CNTNAP2: variants seen among roughly 807,000 people sequenced by gnomAD.
The protein encoded by CNTNAP2 is contactin-associated protein-like 2.
Under a neutral mutation model 155.2 loss-of-function variants are expected in CNTNAP2, and 98 were observed. The ratio of observed to expected loss-of-function variants is 0.63; its 90% confidence interval spans 0.54 to 0.75. CNTNAP2 has a LOEUF of 0.75. CNTNAP2 is among the 30% of genes least tolerant of loss of function. The pLI is 0.00. For missense variants in CNTNAP2, 1,727 were observed against 1,688.1 expected, an observed-to-expected ratio of 1.02 and a Z score of -0.40; for synonymous variants, 651 against 631.2, an observed-to-expected ratio of 1.03 and a Z score of -0.47.
chr7:148,311,855 G>A (rs1276616992), intron 21 of CNTNAP2, among the ~76,000 whole-genome samples: 4 of 152,158 alleles, frequency 2.6e-5, no homozygotes, highest in Non-Finnish European at 5.9e-5. Flanking sequence ...GGGAAATGGG[G>A]TGAATGTCAA....
intron 9 of CNTNAP2, among the ~76,000 whole-genome samples, chr7:147,352,640 A>G (rs1400611653): frequency 6.6e-6 from 1 of 151,986 alleles, no homozygotes; most frequent in African/African-American, 2.4e-5. Flanking sequence ...TCATTGATTC[A>G]GTACACTTTC....
intron 20 of CNTNAP2, among the ~76,000 whole-genome samples, chr7:148,251,765 G>A (rs530660756): frequency 2.0e-5 from 3 of 152,290 alleles, no homozygotes; most frequent in Admixed American, 2.0e-4. Flanking sequence ...ATTCTAAGCA[G>A]CAGCCTCAGG....
At chr7:146,605,318 A>G (rs921769412) in intron 1 of CNTNAP2, among the ~76,000 whole-genome samples, 5 of 151,038 alleles carry the variant, frequency 3.3e-5, no homozygotes, top group African/African-American at 1.2e-4. Context: ...TATTATCATC[A>G]TTGTTTTCAT....
chr7:146,810,091 T>C (rs1272953186), intron 2 of CNTNAP2, among the ~76,000 whole-genome samples: 2 of 152,162 alleles, frequency 1.3e-5, no homozygotes, highest in African/African-American at 2.4e-5. Flanking sequence ...CAAACCCATT[T>C]ATTGTGGAGA....
At chr7:148,326,611 A>G (rs573616920) in intron 21 of CNTNAP2, among the ~76,000 whole-genome samples, 9 of 152,284 alleles carry the variant, frequency 5.9e-5, no homozygotes, top group African/African-American at 2.2e-4. Flanking sequence ...TCACGCCTGT[A>G]ATCCCAGCAC....
At chr7:148,310,508 G>C (rs992408492) in intron 21 of CNTNAP2, among the ~76,000 whole-genome samples, 1 of 152,216 alleles carries the variant, frequency 6.6e-6, no homozygotes, top group African/African-American at 2.4e-5. Flanking sequence ...CCAGTACCGA[G>C]AGCAATAGTA....
At chr7:146,630,115 T>G (rs1799486799) in intron 1 of CNTNAP2, among the ~76,000 whole-genome samples, 1 of 152,016 alleles carries the variant, frequency 6.6e-6, no homozygotes, top group Non-Finnish European at 1.5e-5. Flanking sequence ...GTATTTGTCC[T>G]AATGCTCTCC....
At chr7:148,021,218 C>T (rs987983577) in intron 15 of CNTNAP2, among the ~76,000 whole-genome samples, 5 of 151,954 alleles carry the variant, frequency 3.3e-5, no homozygotes, top group Non-Finnish European at 7.4e-5. Flanking sequence ...GACTTATTCT[C>T]CCTCATATCA....
intron 16 of CNTNAP2, among the ~76,000 whole-genome samples, chr7:148,119,373 A>C (rs980427567): frequency 1.3e-5 from 2 of 151,364 alleles, no homozygotes; most frequent in Non-Finnish European, 1.5e-5. Flanking sequence ...AATACAAAAA[A>C]AAAAAAATTA....
intron 1 of CNTNAP2, among the ~76,000 whole-genome samples, chr7:146,701,168 G>A (rs944887853): frequency 6.6e-6 from 1 of 152,140 alleles, no homozygotes; most frequent in African/African-American, 2.4e-5. Flanking sequence ...ATATTTTTCA[G>A]TTAAACAATT....
chr7:146,277,876 A>G (rs1445149591), intron 1 of CNTNAP2, among the ~76,000 whole-genome samples: 2 of 152,190 alleles, frequency 1.3e-5, no homozygotes, highest in Non-Finnish European at 1.5e-5. Flanking sequence ...TGGAGTGGGT[A>G]CTTTTCAACT....
At chr7:146,781,884 C>A (rs1355877748) in intron 2 of CNTNAP2, among the ~76,000 whole-genome samples, 3 of 152,090 alleles carry the variant, frequency 2.0e-5, no homozygotes, top group African/African-American at 7.2e-5. Context: ...ACAGCGCGTC[C>A]ATGAGGGCAT....
At chr7:147,433,908 T>C (rs1797505632) in intron 10 of CNTNAP2, among the ~76,000 whole-genome samples, 1 of 152,220 alleles carries the variant, frequency 6.6e-6, no homozygotes, top group African/African-American at 2.4e-5. Context: ...ACAATGAAAT[T>C]AGTATATATT....
In CNTNAP2 at chr7:146,465,892, G is replaced by A. The variant is rs192809982; in HGVS notation, c.98-308379G>A. Among the ~76,000 whole-genome samples, 22 of 152,082 alleles carry A rather than the reference G, an allele frequency of 1.4e-4. No individual in the cohort carries two copies. In the Middle Eastern group the frequency reaches 0.01, roughly 71 times the overall value. ...TTTTATCAGGAATTATCACATATAC[G>A]GTGTATGAAAATTATTATCTGGAAG... is the stretch of plus-strand genomic sequence containing the variant. On this transcript the variant is annotated intron_variant, in intron 1 of 23. Transcript: ENST00000361727.
chr7:148,313,454 AG>A (rs201716803), intron 21 of CNTNAP2, among the ~76,000 whole-genome samples: 8,822 of 152,010 alleles, frequency 0.058, 566 homozygotes, highest in Admixed American at 0.19. Context: ...GACATGGCTT[AG>A]GAGGAATCCT....
At chr7:146,999,805 A>G (rs1253271049) in intron 3 of CNTNAP2, among the ~76,000 whole-genome samples, 1 of 151,920 alleles carries the variant, frequency 6.6e-6, no homozygotes, top group East Asian at 1.9e-4. Context: ...CTGCTTTCCA[A>G]ATCCTCTTTT....
chr7:147,794,519 A>C (rs546446389), intron 13 of CNTNAP2, among the ~76,000 whole-genome samples: 1 of 151,944 alleles, frequency 6.6e-6, no homozygotes, highest in Non-Finnish European at 1.5e-5. Context: ...GATCCTTTTC[A>C]TATATTCCTG....
intron 9 of CNTNAP2, among the ~76,000 whole-genome samples, chr7:147,376,352 G>A (rs1394574717): frequency 6.6e-6 from 1 of 151,906 alleles, no homozygotes; most frequent in Non-Finnish European, 1.5e-5. Context: ...TGCTACTGAA[G>A]CACTGAGGGG....
intron 1 of CNTNAP2, among the ~76,000 whole-genome samples, chr7:146,745,538 G>A (rs1585070539): frequency 6.6e-6 from 1 of 152,070 alleles, no homozygotes; most frequent in Non-Finnish European, 1.5e-5. Context: ...GGAGGCCAAG[G>A]TGGGTGTATC....
Sources: gnomAD v4.1 joint callset for allele counts (sites outside exome capture counted in the v4.1 genomes callset) on GRCh38, gnomAD v4.1.1 for gene constraint, MANE v1.5 for transcripts, NCBI Gene and HGNC (gene_info 2026-07-23, HGNC 2026-07-21) for gene names.